TLR5: variants seen among roughly 807,000 people sequenced by gnomAD.
The protein encoded by TLR5 is toll-like receptor 5.
For synonymous variants in TLR5, 373 were observed against 384.4 expected (o/e 0.97, Z 0.35); for missense variants, 944 against 999.8 (o/e 0.94, Z 0.75).
At chr1:223,119,414 G>T (rs1656829168) in intron 5 of TLR5, among the ~76,000 whole-genome samples, 1 of 151,974 alleles carries the variant, frequency 6.6e-6, no homozygotes, top group African/African-American at 2.4e-5. Context: ...GTTTAGTTTG[G>T]ACCTTAATAA....
intron 5 of TLR5, 59 bp downstream of exon 5, chr1:223,132,416 C>G (rs851184): frequency 6.6e-6 from 1 of 151,640 alleles, no homozygotes; most frequent in South Asian, 2.1e-4. Context: ...TATTTATATA[C>G]GTATCATACA....
chr1:223,138,323 G>A (rs547563906), intron 2 of TLR5, among the ~76,000 whole-genome samples: 1 of 152,088 alleles, frequency 6.6e-6, no homozygotes, highest in Non-Finnish European at 1.5e-5. Context: ...GCATTGGGCA[G>A]CTTTGGCCAC....
At chr1:223,114,595 G>T (rs745570298) in intron 5 of TLR5, among the ~76,000 whole-genome samples, 1 of 152,228 alleles carries the variant, frequency 6.6e-6, no homozygotes, top group Non-Finnish European at 1.5e-5. Flanking sequence ...GGCTAGCTCT[G>T]ACGAGGTTGT....
intron 1 of TLR5, among the ~76,000 whole-genome samples, chr1:223,142,600 A>G (rs1773767): frequency 0.087 from 13,297 of 152,192 alleles, 1,044 homozygotes; most frequent in African/African-American, 0.21. Flanking sequence ...GCCACTGGGC[A>G]ATGATCTTCA....
chr1:223,118,164 T>G (rs964580489), intron 5 of TLR5, among the ~76,000 whole-genome samples: 5 of 152,188 alleles, frequency 3.3e-5, no homozygotes, highest in Non-Finnish European at 1.5e-5. Flanking sequence ...ATTGGTCTGG[T>G]CCAGAAGCAT....
chr1:223,133,016 A>C, intron 4 of TLR5, among the ~76,000 whole-genome samples: 1 of 152,216 alleles, frequency 6.6e-6, no homozygotes, highest in East Asian at 1.9e-4. Context: ...GAGAACTTCC[A>C]GACAAAATGG....
intron 2 of TLR5, among the ~76,000 whole-genome samples, chr1:223,138,743 C>G (rs5744129): frequency 0.57 from 86,982 of 152,098 alleles, 25,567 homozygotes; most frequent in East Asian, 0.76. Context: ...GAATCCTACA[C>G]CTGCAGCACA....
chr1:223,138,631 T>G (rs1246543120), intron 2 of TLR5, among the ~76,000 whole-genome samples: 1 of 152,174 alleles, frequency 6.6e-6, no homozygotes, highest in Non-Finnish European at 1.5e-5. Context: ...TCAATATGTC[T>G]CAAAGTGACT....
chr1:223,123,413 C>G (rs1041419762), intron 5 of TLR5: 1 of 152,016 alleles, frequency 6.6e-6, no homozygotes, highest in African/African-American at 2.4e-5. Context: ...AATAGGGAAG[C>G]TAAAATGAAA....
rs1439955814 is a variant in TLR5 at position 223,131,500 on chromosome 1, C to G, written c.-5+975G>C. ...CCAACTCCCCCGTCAAAGGCCACCTCAGAAGCCACCTCTGCCATGAGAATT... is the reference window on the plus strand; with the variant it reads ...CCAACTCCCCCGTCAAAGGCCACCTGAGAAGCCACCTCTGCCATGAGAATT... On this transcript the variant is annotated intron_variant, in intron 5 of 5. Coordinates refer to ENST00000642603, the MANE Select transcript of TLR5 (RefSeq NM_003268.6). The surrounding 1 kb of genome is among the most constrained non-coding windows in gnomAD (Gnocchi z 4.2). 6.6e-6 allele frequency among the ~76,000 whole-genome samples: 1 copy of G among 152,252 alleles called. No homozygotes were observed. The highest frequency in any genetic ancestry group is 1.5e-5 in the Non-Finnish European group (1 of 68,038).
chr1:223,112,674 G>T lies in TLR5; in HGVS notation c.358C>A (p.His120Asn), dbSNP rs1656418861. ...AAATACAGTCTAAGTTCAAACAGAT[G>T]GAACAGTCCCTGAAAAGCATCTGGA... ...LHPDAFQGLF[H>N]LFELRLYFCG... Residue 120 changes from histidine (H) to asparagine (N), a missense_variant, in exon 6 of 6, where the codon CAT becomes AAT. Transcript: ENST00000642603. The T allele has an allele frequency of 6.2e-7, 1 of 1,614,094 alleles. No individual in the cohort carries two copies. The highest frequency in any genetic ancestry group is 8.5e-7 in the Non-Finnish European group (1 of 1,180,046).
Position 223,111,957 on chromosome 1 carries a change from G to C in TLR5, c.1075C>G (p.Leu359Val). 6.2e-7 allele frequency: 1 copy of C among 1,614,150 alleles called. No homozygotes were observed. Among genetic ancestry groups the C allele is most frequent in the Non-Finnish European group, 8.5e-7 (1 of 1,180,038 alleles). ...GELYSSNFYGLPKVAYIDLQK... is the reference protein window; with the variant it reads ...GELYSSNFYGVPKVAYIDLQK... ...AAATCAATGTAGGCTACCTTAGGTAGTCCATAGAAATTCGAACTGTAAAGT... is the reference window on the plus strand; with the variant it reads ...AAATCAATGTAGGCTACCTTAGGTACTCCATAGAAATTCGAACTGTAAAGT... Residue 359 changes from leucine (L) to valine (V), a missense_variant, in exon 6 of 6, where the codon CTA becomes GTA. By Grantham distance (32) the Leu-to-Val change is conservative (BLOSUM62 1). Coordinates refer to ENST00000642603, the MANE Select transcript of TLR5 (RefSeq NM_003268.6).
At chr1:223,127,784 G>A (rs946923004) in intron 5 of TLR5, 1 of 152,292 alleles carries the variant, frequency 6.6e-6, no homozygotes, top group African/African-American at 2.4e-5. Context: ...TTGTCCTAGA[G>A]TTACTCGTCC....
intron 2 of TLR5, among the ~76,000 whole-genome samples, chr1:223,139,897 T>C (rs138565543): frequency 6.6e-6 from 1 of 152,344 alleles, no homozygotes; most frequent in Non-Finnish European, 1.5e-5. Context: ...CTGTTACCTA[T>C]AAGGGCTTGA....
intron 4 of TLR5, among the ~76,000 whole-genome samples, chr1:223,133,871 G>GC (rs1360049336): frequency 6.6e-6 from 1 of 152,232 alleles, no homozygotes; most frequent in African/African-American, 2.4e-5. Flanking sequence ...AGGGACCGAG[G>GC]GGGAGGAGCC....
At chr1:223,123,700 A>G (rs1657038462) in intron 5 of TLR5, 1 of 152,350 alleles carries the variant, frequency 6.6e-6, no homozygotes, top group African/African-American at 2.4e-5. Flanking sequence ...AAAAGAAGCC[A>G]GAGCTAAAGT....
intron 5 of TLR5, among the ~76,000 whole-genome samples, chr1:223,113,328 C>A (rs1656466021): frequency 6.6e-6 from 1 of 152,168 alleles, no homozygotes; most frequent in South Asian, 2.1e-4. Context: ...ATCTCAGCCT[C>A]CTGATTAGCT....
chr1:223,142,816 G>A (rs1571776602), intron 1 of TLR5, among the ~76,000 whole-genome samples: 1 of 152,152 alleles, frequency 6.6e-6, no homozygotes, highest in African/African-American at 2.4e-5. Flanking sequence ...CTGGGGACAA[G>A]CCACCTGCCT....
intron 4 of TLR5, among the ~76,000 whole-genome samples, chr1:223,133,110 G>T (rs574009899): frequency 4.6e-5 from 7 of 152,198 alleles, no homozygotes; most frequent in Admixed American, 2.0e-4. Context: ...GTAAATTATG[G>T]CTGTGTTAGA....
Sources: allele counts gnomAD v4.1 joint callset (sites outside exome capture counted in the v4.1 genomes callset), GRCh38; gene constraint gnomAD v4.1.1; non-coding constraint Gnocchi (gnomAD v3.1); transcripts MANE v1.5; gene names NCBI Gene and HGNC (gene_info 2026-07-23, HGNC 2026-07-21).